NUP155: variants seen among roughly 807,000 people sequenced by gnomAD.
The protein encoded by NUP155 is nucleoporin 155.
A neutral mutation model predicts 180.4 loss-of-function variants in NUP155; 71 were observed. The ratio of observed to expected loss-of-function variants is 0.39; its 90% CI spans 0.33 to 0.48. The LOEUF is 0.48. Among genes scored for constraint, NUP155 ranks in the 20% least tolerant of loss-of-function variants. The pLI, the probability that NUP155 is intolerant of heterozygous loss-of-function variation, is 0.91. For missense variants in NUP155, 1,553 were observed against 1,648.9 expected (o/e 0.94, Z 1.01); for synonymous variants, 582 against 559.5 (o/e 1.04, Z -0.57).
At chr5:37,348,141 A>AT (rs1362462756) in intron 9 of NUP155, among the ~76,000 whole-genome samples, 4 of 151,920 alleles carry the variant, frequency 2.6e-5, no homozygotes, top group African/African-American at 4.8e-5. Context: ...TCTCAAAAAA[A>AT]ATATATATAA....
At chr5:37,302,184 G>A (rs1421669905) in intron 29 of NUP155, among the ~76,000 whole-genome samples, 2 of 152,180 alleles carry the variant, frequency 1.3e-5, no homozygotes, top group African/African-American at 4.8e-5. Context: ...AATGGTGAAT[G>A]TGATGTAATC....
At chr5:37,358,186 T>G in intron 3 of NUP155, 35 bp from the exon 4 acceptor site, 1 of 1,462,168 alleles carries the variant, frequency 6.8e-7, no homozygotes, top group Non-Finnish European at 9.6e-7. Context: ...GTTACACATA[T>G]AAAGCAAATA....
At chr5:37,326,090 C>T in intron 18 of NUP155, 123 bp from the exon 19 acceptor site, 2 of 733,498 alleles carry the variant, frequency 2.7e-6, no homozygotes, top group Non-Finnish European at 2.4e-6. Context: ...TTTCATTTAA[C>T]ATTTTACTAA....
intron 9 of NUP155, among the ~76,000 whole-genome samples, chr5:37,343,028 C>T (rs1457786768): frequency 2.0e-5 from 3 of 152,018 alleles, no homozygotes; most frequent in African/African-American, 7.2e-5. Flanking sequence ...GGATTACAGG[C>T]GTGAGCCACT....
intron 11 of NUP155, among the ~76,000 whole-genome samples, chr5:37,340,311 C>A (rs543414230): frequency 7.5e-4 from 114 of 152,002 alleles, no homozygotes; most frequent in African/African-American, 2.7e-3. Context: ...TGTGGTGGCA[C>A]ACACCTGTAG....
intron 21 of NUP155, among the ~76,000 whole-genome samples, chr5:37,314,718 T>C (rs1056062050): frequency 2.6e-5 from 4 of 152,138 alleles, no homozygotes; most frequent in African/African-American, 7.2e-5. Flanking sequence ...CGGGTGCCTG[T>C]AGTCCCAGCT....
At chr5:37,367,033 C>T (rs76888394) in intron 1 of NUP155, among the ~76,000 whole-genome samples, 7,282 of 150,960 alleles carry the variant, frequency 0.048, 195 homozygotes, top group South Asian at 0.076. Flanking sequence ...TGCACCCGGC[C>T]GAACTCTTTT....
At chr5:37,361,780 T>C (rs78139062) in intron 3 of NUP155, among the ~76,000 whole-genome samples, 24,278 of 152,168 alleles carry the variant, frequency 0.16, 1,992 homozygotes, top group South Asian at 0.2. Flanking sequence ...TTCAAATAAT[T>C]TTTCTTTAAA....
Position 37,350,145 on chromosome 5 carries a change from T to C in NUP155, c.829+15A>G, listed in dbSNP as rs1746362520. On this transcript the variant is annotated intron_variant, in intron 7 of 34. Transcript: ENST00000231498. Reference sequence around the variant, plus strand: ...AAATTAGTTGTACTTGCCAAATTTATTGTTTTCTACTTACCATCTTCTGAG... The same window carrying C: ...AAATTAGTTGTACTTGCCAAATTTACTGTTTTCTACTTACCATCTTCTGAG... 6.3e-7 allele frequency: 1 copy of C among 1,580,150 alleles called. No individual in the cohort carries two copies. The highest frequency in any genetic ancestry group is 8.7e-7 in the Non-Finnish European group (1 of 1,149,252).
Position 37,309,274 on chromosome 5 carries a change from G to A in NUP155, c.2629-7C>T, listed in dbSNP as rs200054361. On this transcript the variant is annotated splice_region_variant and splice_polypyrimidine_tract_variant and intron_variant, in intron 23 of 34. Transcript: ENST00000231498. ...GCTGGAGAAGCTCATTTGCCTAGAA[G>A]AGGAGATAACAAGAACTTAAAAATA... 1.2e-3 allele frequency: 1,932 copies of A among 1,609,294 alleles called. 36 individuals carry two copies. In the Admixed American group the frequency reaches 0.03, roughly 25 times the overall value.
intron 22 of NUP155, among the ~76,000 whole-genome samples, chr5:37,311,725 ATAT>A (rs931182954): frequency 1.3e-5 from 2 of 152,074 alleles, no homozygotes; most frequent in African/African-American, 4.8e-5. Flanking sequence ...CAGATTTAAA[ATAT>A]TATCCTTTTG....
At chr5:37,369,919 TAAAC>T (rs1466509690) in intron 1 of NUP155, among the ~76,000 whole-genome samples, 5 of 152,240 alleles carry the variant, frequency 3.3e-5, no homozygotes, top group East Asian at 1.9e-4. Context: ...TTAAAACTGT[TAAAC>T]AAATTACTTT....
At chr5:37,329,121 A>G (rs996694200) in intron 16 of NUP155, 69 bp downstream of exon 16, 1 of 1,124,282 alleles carries the variant, frequency 8.9e-7, no homozygotes, top group South Asian at 1.3e-5. Context: ...GCTTATTGAT[A>G]AAAATTGCTA....
chr5:37,319,769 G>A (rs1416575275), intron 20 of NUP155, among the ~76,000 whole-genome samples: 1 of 152,174 alleles, frequency 6.6e-6, no homozygotes, highest in East Asian at 1.9e-4. Context: ...TACTCAGGAG[G>A]CTGAGGTGGG....
chr5:37,291,543 G>A lies in NUP155; in HGVS notation c.*357C>T, dbSNP rs994949092. Reference sequence around the variant, plus strand: ...CAGGTGTAAGTCACTGTGCCTGGCCGCCTAGTGGAGTTTTAATGCCAATAT... The same window carrying A: ...CAGGTGTAAGTCACTGTGCCTGGCCACCTAGTGGAGTTTTAATGCCAATAT... On this transcript the variant is annotated 3_prime_UTR_variant, in exon 35 of 35. Coordinates refer to ENST00000231498, the MANE Select transcript of NUP155 (RefSeq NM_153485.3). 19 of 207,968 alleles carry A rather than the reference G, an allele frequency of 9.1e-5. No individual in the cohort carries two copies. The highest frequency in any genetic ancestry group is 1.7e-4 in the Admixed American group (3 of 17,824). The allele number at this position is 207,968 out of a possible 1,614,324, so 12.9% of individuals were successfully genotyped here. A position where few individuals can be genotyped will look rare whatever the true frequency, so the allele number is the denominator to read the frequency against.
intron 32 of NUP155, among the ~76,000 whole-genome samples, chr5:37,295,777 C>A (rs1224078656): frequency 6.6e-6 from 1 of 151,622 alleles, no homozygotes; most frequent in Non-Finnish European, 1.5e-5. Flanking sequence ...CTGGCAACCG[C>A]CCTGTCTGAG....
intron 13 of NUP155, among the ~76,000 whole-genome samples, chr5:37,332,154 T>A (rs1424733612): frequency 2.2e-5 from 3 of 133,424 alleles, no homozygotes; most frequent in Admixed American, 1.6e-4. Context: ...TGCTACTATT[T>A]ATATCAATTT....
At chr5:37,308,559 A>G (rs1743314703) in intron 24 of NUP155, among the ~76,000 whole-genome samples, 1 of 151,934 alleles carries the variant, frequency 6.6e-6, no homozygotes. Flanking sequence ...TTAGCCGGGC[A>G]TGGTGGCAGG....
At chr5:37,335,106 C>T (rs1009109058) in intron 12 of NUP155, among the ~76,000 whole-genome samples, 2 of 147,272 alleles carry the variant, frequency 1.4e-5, no homozygotes, top group African/African-American at 5.1e-5. Context: ...TGCAGTGAGC[C>T]GAGATTGTGC....
Sources: allele counts gnomAD v4.1 joint callset (sites outside exome capture counted in the v4.1 genomes callset), GRCh38; gene constraint gnomAD v4.1.1; transcripts MANE v1.5; gene names NCBI Gene and HGNC (gene_info 2026-07-23, HGNC 2026-07-21).